GRIP1: variants seen among roughly 807,000 people sequenced by gnomAD.
GRIP1 encodes glutamate receptor interacting protein 1, also known as glutamate receptor-interacting protein 1.
A neutral mutation model predicts 129.9 loss-of-function variants in GRIP1; 45 were observed. That is an observed-to-expected ratio of 0.35 (90% CI 0.27 to 0.44). The LOEUF (loss-of-function observed/expected upper bound fraction) is 0.44. GRIP1 is among the 20% of genes least tolerant of loss of function. The pLI is 1.00. For missense variants in GRIP1, 1,196 were observed against 1,396.8 expected (o/e 0.86, Z 2.29); for synonymous variants, 530 against 520.8 (o/e 1.02, Z -0.24).
At chr12:66,498,579 A>T (rs2060303510) in intron 7 of GRIP1, among the ~76,000 whole-genome samples, 1 of 152,216 alleles carries the variant, frequency 6.6e-6, no homozygotes, top group Admixed American at 6.5e-5. Context: ...TAATGTTTAT[A>T]AAATACCTTG....
At chr12:66,394,681 A>G (rs1018160814) in intron 16 of GRIP1, among the ~76,000 whole-genome samples, 1 of 152,240 alleles carries the variant, frequency 6.6e-6, no homozygotes, top group Non-Finnish European at 1.5e-5. Context: ...TGCAGTAAAT[A>G]TCTGTGAAAT....
chr12:66,402,333 T>C (rs1232540906), intron 16 of GRIP1, among the ~76,000 whole-genome samples: 1 of 152,236 alleles, frequency 6.6e-6, no homozygotes, highest in Non-Finnish European at 1.5e-5. Context: ...GTCCCTTTTA[T>C]CTAAGAACTG....
intron 1 of GRIP1, among the ~76,000 whole-genome samples, chr12:66,820,523 A>C (rs2039298440): frequency 6.6e-6 from 1 of 152,192 alleles, no homozygotes; most frequent in South Asian, 2.1e-4. Context: ...TAAAGGTATT[A>C]AAAATTATGT....
intron 1 of GRIP1, among the ~76,000 whole-genome samples, chr12:66,954,047 T>C (rs1592387067): frequency 6.6e-6 from 1 of 152,200 alleles, no homozygotes; most frequent in Admixed American, 6.5e-5. Context: ...CCGACTCCTC[T>C]GCACAGAGTT....
chr12:66,405,452 A>G (rs988922190), intron 16 of GRIP1, among the ~76,000 whole-genome samples: 3 of 152,206 alleles, frequency 2.0e-5, no homozygotes, highest in Non-Finnish European at 4.4e-5. Context: ...CTCTTATTTC[A>G]GGGCTACCCA....
chr12:66,937,780 G>C (rs1012662230), intron 1 of GRIP1, among the ~76,000 whole-genome samples: 4 of 152,104 alleles, frequency 2.6e-5, no homozygotes, highest in Non-Finnish European at 5.9e-5. Context: ...AGAGAAAGGG[G>C]CAGTTGATGC....
intron 13 of GRIP1, among the ~76,000 whole-genome samples, chr12:66,439,213 A>G (rs2058402235): frequency 6.6e-6 from 1 of 152,146 alleles, no homozygotes; most frequent in Non-Finnish European, 1.5e-5. Flanking sequence ...ATTTCACTGC[A>G]TGGCTGGTCC....
rs1244181802 is a variant in GRIP1, at chr12:66,711,248, T to C, written c.-419-80912A>G. 2.0e-5 allele frequency among the ~76,000 whole-genome samples: 3 copies of C among 151,900 alleles called. No individual in the cohort carries two copies. In the East Asian group the frequency reaches 5.8e-4, roughly 29 times the overall value. ...ATGGGATTTTAATAAAGGGTATCCC[T>C]AAAAGCATCCATTTAAAAAGGAAAA... is the stretch of plus-strand genomic sequence containing the variant. On this transcript the variant is annotated intron_variant, in intron 1 of 4. Coordinates refer to the GRIP1 transcript ENST00000538373.
At chr12:66,429,830 A>G (rs2058094053) in intron 14 of GRIP1, among the ~76,000 whole-genome samples, 1 of 152,210 alleles carries the variant, frequency 6.6e-6, no homozygotes, top group Non-Finnish European at 1.5e-5. Context: ...ATAGTAATTC[A>G]TTTAATCTTG....
At chr12:66,711,932 AG>A (rs1418146618) in intron 1 of GRIP1, among the ~76,000 whole-genome samples, 1 of 151,966 alleles carries the variant, frequency 6.6e-6, no homozygotes, top group Admixed American at 6.6e-5. Flanking sequence ...CAAATGATTT[AG>A]GACTTTCATC....
intron 1 of GRIP1, among the ~76,000 whole-genome samples, chr12:66,627,303 C>G (rs992795146): frequency 3.9e-5 from 6 of 152,328 alleles, no homozygotes; most frequent in South Asian, 2.1e-4. Context: ...GACTACCAAA[C>G]AGACTCCTAA....
At chr12:66,875,863 T>C (rs1194518050) in intron 1 of GRIP1, among the ~76,000 whole-genome samples, 1 of 152,092 alleles carries the variant, frequency 6.6e-6, no homozygotes, top group African/African-American at 2.4e-5. Flanking sequence ...ATTTGTGTGC[T>C]ACTAAAGAAA....
At chr12:66,482,885 G>C (rs1011163555) in intron 7 of GRIP1, among the ~76,000 whole-genome samples, 1 of 152,122 alleles carries the variant, frequency 6.6e-6, no homozygotes, top group Non-Finnish European at 1.5e-5. Context: ...GAGAAAAATG[G>C]ATGATACAGA....
At chr12:66,354,003 C>T (rs985954628) in intron 23 of GRIP1, among the ~76,000 whole-genome samples, 2 of 152,190 alleles carry the variant, frequency 1.3e-5, no homozygotes, top group Admixed American at 6.5e-5. Context: ...AAGCACAGTG[C>T]TCGGCGTATC....
chr12:66,462,985 C>T lies in GRIP1; in HGVS notation c.981G>A (p.Gln327=). 1 of 1,614,038 alleles carries T rather than the reference C, an allele frequency of 6.2e-7. No homozygotes were observed. The highest frequency in any genetic ancestry group is 1.1e-5 in the South Asian group (1 of 91,062). ...GATGGGGAAGGATCTCAAGCTTGAC[C>T]TGGTCAGTGGTGTTGGCCAGGAACT... ...ATQFLANTTD[Q]VKLEILPHHQ... is the part of the protein sequence containing the mutation. Residue 327 remains glutamine, a synonymous_variant, in exon 9 of 25, where the codon CAG becomes CAA. Coordinates refer to ENST00000359742, the MANE Select transcript of GRIP1 (RefSeq NM_001366722.1).
intron 7 of GRIP1, among the ~76,000 whole-genome samples, chr12:66,509,813 G>A (rs1204544281): frequency 6.6e-6 from 1 of 152,102 alleles, no homozygotes; most frequent in East Asian, 1.9e-4. Context: ...CAGGGGAAGG[G>A]AGAGCATCAG....
At chr12:66,568,790 G>A (rs2062854964) in intron 2 of GRIP1, 2 of 288,600 alleles carry the variant, frequency 6.9e-6, no homozygotes, top group African/African-American at 2.3e-5. Flanking sequence ...AATGGGCACT[G>A]CCTCTACTAT....
intron 1 of GRIP1, among the ~76,000 whole-genome samples, chr12:66,985,606 G>A (rs1031826899): frequency 1.3e-5 from 2 of 151,962 alleles, no homozygotes; most frequent in Non-Finnish European, 2.9e-5. Context: ...CCCTTCTATT[G>A]GGAACAGTTA....
At chr12:66,893,602 T>C (rs956511602) in intron 1 of GRIP1, among the ~76,000 whole-genome samples, 3 of 152,204 alleles carry the variant, frequency 2.0e-5, no homozygotes, top group African/African-American at 7.2e-5. Flanking sequence ...CATTTACCCA[T>C]TGAGCACTGA....
Sources: gnomAD v4.1 joint callset for allele counts (sites outside exome capture counted in the v4.1 genomes callset) on GRCh38, gnomAD v4.1.1 for gene constraint, MANE v1.5 for transcripts, NCBI Gene and HGNC (gene_info 2026-07-23, HGNC 2026-07-21) for gene names.